The following AGBL4 variants were observed in gnomAD, a reference collection of about 807,000 sequenced individuals.
AGBL4 encodes cytosolic carboxypeptidase 6.
A neutral mutation model predicts 66.4 loss-of-function variants in AGBL4; 58 were observed. The ratio of observed to expected loss-of-function variants is 0.87; its 90% confidence interval spans 0.71 to 1.09. AGBL4 has a LOEUF of 1.09. Among genes scored for constraint, AGBL4 ranks in the 50% least tolerant of loss-of-function variants. The probability of loss-of-function intolerance (pLI) is 0.00; values close to 1 mark genes in which losing one functional copy is unlikely to be tolerated. For synonymous variants in AGBL4, 234 were observed against 222.9 expected (o/e 1.05, Z -0.44); for missense variants, 579 against 631.0 (o/e 0.92, Z 0.88).
intron 3 of AGBL4, among the ~76,000 whole-genome samples, chr1:49,283,453 G>T (rs781381787): frequency 6.6e-6 from 1 of 152,134 alleles, no homozygotes; most frequent in Non-Finnish European, 1.5e-5. Context: ...ACTCTAAAAC[G>T]CAGAGCGTCT....
intron 5 of AGBL4, among the ~76,000 whole-genome samples, chr1:48,935,218 T>A (rs1316860470): frequency 6.6e-6 from 1 of 152,182 alleles, no homozygotes; most frequent in Non-Finnish European, 1.5e-5. Flanking sequence ...AACACTCCAA[T>A]ATATTTCCAT....
chr1:49,833,064 T>G (rs1444137264), intron 2 of AGBL4, among the ~76,000 whole-genome samples: 1 of 152,132 alleles, frequency 6.6e-6, no homozygotes, highest in Non-Finnish European at 1.5e-5. Flanking sequence ...ATGAAGTCCT[T>G]GCCCGTGCCT....
At chr1:49,177,463 C>T (rs181974736) in intron 4 of AGBL4, among the ~76,000 whole-genome samples, 1 of 152,296 alleles carries the variant, frequency 6.6e-6, no homozygotes, top group East Asian at 1.9e-4. Flanking sequence ...TGGTGATCCT[C>T]CACAAATCAA....
chr1:48,589,702 T>C (rs1221832993), intron 10 of AGBL4, among the ~76,000 whole-genome samples: 1 of 152,230 alleles, frequency 6.6e-6, no homozygotes, highest in African/African-American at 2.4e-5. Flanking sequence ...AGAACTTTTA[T>C]ATCAAAAACT....
chr1:49,500,781 C>T (rs1373801849), intron 3 of AGBL4, among the ~76,000 whole-genome samples: 1 of 151,970 alleles, frequency 6.6e-6, no homozygotes. Flanking sequence ...GTAACTATTG[C>T]CTTGAGGTAT....
chr1:49,207,594 CTTTCT>C (rs1648329510), intron 4 of AGBL4, among the ~76,000 whole-genome samples: 1 of 106,208 alleles, frequency 9.4e-6, no homozygotes, highest in East Asian at 2.6e-4. Flanking sequence ...TTCTTTCTTT[CTTTCT>C]TTCTTCTTTT....
chr1:48,765,782 A>T (rs971997639), intron 6 of AGBL4, among the ~76,000 whole-genome samples: 3 of 152,230 alleles, frequency 2.0e-5, no homozygotes, highest in African/African-American at 7.2e-5. Context: ...GATGAATCTT[A>T]AAAATATTAT....
At position 49,164,148 on chromosome 1, in the gene AGBL4, T is replaced by C. The variant is rs1035631591; in HGVS notation, c.377+81622A>G. Among the ~76,000 whole-genome samples the C allele has an allele frequency of 8.5e-5, 13 of 152,240 alleles. No individual in the cohort carries two copies. The East Asian group carries it at 1.9e-3, about 23-fold the overall frequency. ...ACTCAGGAAAATAGTTCCAGCAATA[T>C]ATAAATTATACCTGGATGTAAGGGT... is the stretch of plus-strand genomic sequence containing the variant. On this transcript the variant is annotated intron_variant, in intron 4 of 13. Coordinates refer to ENST00000371839, the MANE Select transcript of AGBL4 (RefSeq NM_032785.4).
chr1:48,569,961 C>T (rs558381185), intron 11 of AGBL4, among the ~76,000 whole-genome samples: 3 of 152,278 alleles, frequency 2.0e-5, no homozygotes, highest in East Asian at 1.9e-4. Flanking sequence ...TCTGGCCTGC[C>T]GCACTTGCCA....
At chr1:48,600,682 G>A (rs976922373) in intron 9 of AGBL4, among the ~76,000 whole-genome samples, 2 of 152,136 alleles carry the variant, frequency 1.3e-5, no homozygotes, top group Admixed American at 1.3e-4. Flanking sequence ...TCTGACCTGG[G>A]GCTAAGCTCT....
chr1:48,756,599 GA>G (rs1643941937), intron 6 of AGBL4, among the ~76,000 whole-genome samples: 1 of 152,208 alleles, frequency 6.6e-6, no homozygotes, highest in Non-Finnish European at 1.5e-5. Context: ...ACAGAGTTGG[GA>G]AGTAGGGAAG....
intron 3 of AGBL4, among the ~76,000 whole-genome samples, chr1:49,483,398 C>T: frequency 6.6e-6 from 1 of 151,982 alleles, no homozygotes. Flanking sequence ...AATGTCCATA[C>T]TACCCAAAGC....
At chr1:48,876,282 A>G (rs1285710264) in intron 5 of AGBL4, among the ~76,000 whole-genome samples, 2 of 152,158 alleles carry the variant, frequency 1.3e-5, no homozygotes. Context: ...GGACTGGATA[A>G]ACAGCTGAAA....
chr1:49,464,002 A>C (rs912836242), intron 3 of AGBL4, among the ~76,000 whole-genome samples: 1 of 151,742 alleles, frequency 6.6e-6, no homozygotes, highest in Admixed American at 6.6e-5. Flanking sequence ...CAATAAACAC[A>C]TGTTGATTAA....
intron 1 of AGBL4, among the ~76,000 whole-genome samples, chr1:49,882,213 T>C (rs1193616016): frequency 1.3e-5 from 2 of 150,426 alleles, no homozygotes; most frequent in Non-Finnish European, 3.0e-5. Flanking sequence ...TGCGGCATTA[T>C]TTCTGAGGGC....
At chr1:49,121,892 T>A (rs1645661880) in intron 4 of AGBL4, among the ~76,000 whole-genome samples, 1 of 152,232 alleles carries the variant, frequency 6.6e-6, no homozygotes, top group South Asian at 2.1e-4. Context: ...GCTGCTTTGT[T>A]TACCTACTCA....
At chr1:48,689,567 G>T (rs1038328327) in intron 6 of AGBL4, among the ~76,000 whole-genome samples, 3 of 151,928 alleles carry the variant, frequency 2.0e-5, no homozygotes. Context: ...TAGGGCTGGG[G>T]TAATCTTCAA....
chr1:48,782,856 T>A (rs931755538), intron 6 of AGBL4, among the ~76,000 whole-genome samples: 2 of 152,200 alleles, frequency 1.3e-5, no homozygotes, highest in Non-Finnish European at 2.9e-5. Flanking sequence ...ATGGCATGTA[T>A]CCACCATTAT....
chr1:49,291,575 T>C (rs1281946038), intron 3 of AGBL4, among the ~76,000 whole-genome samples: 1 of 152,256 alleles, frequency 6.6e-6, no homozygotes, highest in Non-Finnish European at 1.5e-5. Context: ...TTATTTCATT[T>C]ATAGAAAGTT....
Sources: allele counts gnomAD v4.1 joint callset (sites outside exome capture counted in the v4.1 genomes callset), GRCh38; gene constraint gnomAD v4.1.1; transcripts MANE v1.5; gene names NCBI Gene and HGNC (gene_info 2026-07-23, HGNC 2026-07-21).